Variants in TAOK3 observed in about 807,000 individuals in gnomAD.
TAOK3 encodes the protein TAO kinase 3, also known as serine/threonine-protein kinase TAO3.
In TAOK3, 40 loss-of-function variants were observed where a neutral mutation model predicts 120.4. The ratio of observed to expected loss-of-function variants is 0.33; its 90% CI spans 0.26 to 0.43. TAOK3 has a LOEUF of 0.43. TAOK3 is among the 20% of genes least tolerant of loss of function. TAOK3 has a pLI of 1.00. For synonymous variants in TAOK3, 355 were observed against 387.5 expected (o/e 0.92, Z 0.99); for missense variants, 821 against 1,112.1 (o/e 0.74, Z 3.72).
intron 19 of TAOK3, among the ~76,000 whole-genome samples, chr12:118,156,992 G>A (rs963897160): frequency 4.6e-5 from 7 of 151,862 alleles, no homozygotes; most frequent in African/African-American, 1.5e-4. Context: ...TGCCTGCCTC[G>A]GCCTCCCAAA....
In TAOK3 at chr12:118,219,906, G is replaced by A. The variant is rs139386512; in HGVS notation, c.644-5796C>T. ...TGGGATTATAGGCATGAGCGACCAT[G>A]CCTGGCTTATTTGCATAATTATTTT... On this transcript the variant is annotated intron_variant, in intron 9 of 20. Transcript: ENST00000392533. 1.2e-4 allele frequency among the ~76,000 whole-genome samples: 18 copies of A among 149,736 alleles called. No individual in the cohort carries two copies. In the East Asian group the frequency reaches 3.6e-3, roughly 30 times the overall value.
chr12:118,315,618 T>C (rs2043428908), intron 1 of TAOK3, among the ~76,000 whole-genome samples: 1 of 152,150 alleles, frequency 6.6e-6, no homozygotes, highest in South Asian at 2.1e-4. Context: ...TTTAAAAAAT[T>C]AATTCTGAGA....
chr12:118,220,604 G>A lies in TAOK3; in HGVS notation c.644-6494C>T, dbSNP rs141360798. On this transcript the variant is annotated intron_variant, in intron 9 of 20. Coordinates refer to ENST00000392533, the MANE Select transcript of TAOK3 (RefSeq NM_016281.4). ...CATAGGAGAAACAGTGAAACAGAAG[G>A]GAAAGGAGACTGAAGCAAGAGAAAA... 2.7e-3 allele frequency among the ~76,000 whole-genome samples: 407 copies of A among 151,442 alleles called. 7 individuals carry two copies. The East Asian group carries it at 0.053, about 20-fold the overall frequency.
chr12:118,367,416 T>G lies in TAOK3; in HGVS notation c.-194+5232A>C, dbSNP rs546789033. 1.1e-3 allele frequency among the ~76,000 whole-genome samples: 166 copies of G among 152,206 alleles called. 2 individuals carry two copies. The South Asian group carries it at 0.017, about 16-fold the overall frequency. On this transcript the variant is annotated intron_variant, in intron 1 of 20. Transcript: ENST00000392533. ...TTATTACTAAAATTTGAAATAGTTTTTTTTTTTTTTTAATTTGGTGCTTGT... is the reference window on the plus strand; with the variant it reads ...TTATTACTAAAATTTGAAATAGTTTGTTTTTTTTTTTAATTTGGTGCTTGT...
At chr12:118,323,619 A>G (rs2043811798) in intron 1 of TAOK3, among the ~76,000 whole-genome samples, 1 of 152,184 alleles carries the variant, frequency 6.6e-6, no homozygotes, top group African/African-American at 2.4e-5. Flanking sequence ...GGTGCAGAGA[A>G]CAACAGTTTA....
At chr12:118,350,436 C>T (rs1163419257) in intron 1 of TAOK3, among the ~76,000 whole-genome samples, 2 of 152,190 alleles carry the variant, frequency 1.3e-5, no homozygotes, top group Non-Finnish European at 1.5e-5. Flanking sequence ...TATAGAGGTT[C>T]GTTGAGATAC....
chr12:118,157,152 A>G (rs1204715081), intron 19 of TAOK3, among the ~76,000 whole-genome samples: 1 of 152,034 alleles, frequency 6.6e-6, no homozygotes, highest in Non-Finnish European at 1.5e-5. Context: ...CAAATTTAGT[A>G]ACTTCCCCCT....
At chr12:118,313,116 A>T (rs1238652725) in intron 1 of TAOK3, among the ~76,000 whole-genome samples, 1 of 152,214 alleles carries the variant, frequency 6.6e-6, no homozygotes, top group African/African-American at 2.4e-5. Flanking sequence ...CTGAAAATTT[A>T]AAAATCATAT....
chr12:118,268,275 A>C (rs1366102612), intron 1 of TAOK3, among the ~76,000 whole-genome samples: 2 of 152,212 alleles, frequency 1.3e-5, no homozygotes, highest in Non-Finnish European at 2.9e-5. Context: ...GGCTTTCTTG[A>C]GAATGGCTTT....
chr12:118,180,194 C>T (rs1476395406), intron 15 of TAOK3, among the ~76,000 whole-genome samples: 1 of 151,482 alleles, frequency 6.6e-6, no homozygotes, highest in African/African-American at 2.4e-5. Context: ...GCGATCCACC[C>T]ACCTCGGCCT....
chr12:118,195,479 T>C (rs2037668433), intron 13 of TAOK3, among the ~76,000 whole-genome samples: 1 of 152,194 alleles, frequency 6.6e-6, no homozygotes, highest in South Asian at 2.1e-4. Flanking sequence ...CCGGAGTCAC[T>C]TGTGAATAAT....
At chr12:118,159,420 C>T (rs1357005724) in intron 19 of TAOK3, among the ~76,000 whole-genome samples, 2 of 151,910 alleles carry the variant, frequency 1.3e-5, no homozygotes, top group Non-Finnish European at 2.9e-5. Context: ...AAGTGATTCT[C>T]CTGCCTCAGC....
At chr12:118,347,012 T>C (rs550210684) in intron 1 of TAOK3, among the ~76,000 whole-genome samples, 2 of 152,262 alleles carry the variant, frequency 1.3e-5, no homozygotes, top group East Asian at 1.9e-4. Flanking sequence ...CCTTTTTTCT[T>C]TTTTTAGACC....
Position 118,172,544 on chromosome 12 carries a change from C to T in TAOK3, c.1812G>A (p.Gln604=). ...AEEEAHLLTQ[Q]RLYYDKNCRF... is the part of the protein sequence containing the mutation. Reference sequence around the variant, plus strand: ...GACAATTTTTGTCGTAGTACAGTCTCTGTTGAGTGAGAAGGTGGGCTTCCT... The same window carrying T: ...GACAATTTTTGTCGTAGTACAGTCTTTGTTGAGTGAGAAGGTGGGCTTCCT... The change falls in exon 17 of 21, where the codon CAG becomes CAA. Residue 604 remains glutamine (Q), a synonymous_variant. Transcript: ENST00000392533. 1.2e-6 allele frequency: 2 copies of T among 1,614,172 alleles called. No homozygotes were observed. Among genetic ancestry groups the T allele is most frequent in the Admixed American group, 3.3e-5 (2 of 60,026 alleles).
At chr12:118,369,936 G>A (rs536237077) in intron 1 of TAOK3, among the ~76,000 whole-genome samples, 57 of 152,126 alleles carry the variant, frequency 3.7e-4, no homozygotes, top group South Asian at 8.3e-4. Flanking sequence ...GTGCAGTGGC[G>A]CGATCTTGGC....
chr12:118,193,290 C>G (rs1019985900), intron 13 of TAOK3, among the ~76,000 whole-genome samples: 1 of 152,060 alleles, frequency 6.6e-6, no homozygotes, highest in Non-Finnish European at 1.5e-5. Flanking sequence ...CTCAGGCAAT[C>G]TGCCTGCCTT....
chr12:118,324,593 T>G (rs1020632604), intron 1 of TAOK3, among the ~76,000 whole-genome samples: 2 of 152,116 alleles, frequency 1.3e-5, no homozygotes, highest in Admixed American at 1.3e-4. Flanking sequence ...AGTTTCTATC[T>G]GCATGAGTTC....
At chr12:118,153,987 G>GAA (rs1297346925) in intron 19 of TAOK3, among the ~76,000 whole-genome samples, 1 of 152,138 alleles carries the variant, frequency 6.6e-6, no homozygotes, top group Non-Finnish European at 1.5e-5. Flanking sequence ...AGGACAGACA[G>GAA]TTCTCATTTT....
intron 11 of TAOK3, among the ~76,000 whole-genome samples, chr12:118,204,317 C>G (rs2038184932): frequency 1.3e-5 from 2 of 150,914 alleles, no homozygotes; most frequent in African/African-American, 4.9e-5. Context: ...GGAAAATTTA[C>G]TTATGTAAAA....
Sources: allele counts gnomAD v4.1 joint callset (sites outside exome capture counted in the v4.1 genomes callset), GRCh38; gene constraint gnomAD v4.1.1; transcripts MANE v1.5; gene names NCBI Gene and HGNC (gene_info 2026-07-23, HGNC 2026-07-21).